PITPNC1: variants seen among roughly 807,000 people sequenced by gnomAD.
PITPNC1 encodes phosphatidylinositol transfer protein cytoplasmic 1.
In PITPNC1, 18 loss-of-function variants were observed where a neutral mutation model predicts 44.7. The ratio of observed to expected loss-of-function variants is 0.40; its 90% CI spans 0.28 to 0.60. PITPNC1 has a LOEUF of 0.60. PITPNC1 is among the 20% of genes least tolerant of loss of function. PITPNC1 has a pLI of 0.39. For synonymous variants in PITPNC1, 141 were observed against 149.6 expected (o/e 0.94, Z 0.42); for missense variants, 290 against 418.4 (o/e 0.69, Z 2.68).
intron 1 of PITPNC1, among the ~76,000 whole-genome samples, chr17:67,381,335 A>T (rs2037955963): frequency 6.6e-6 from 1 of 151,322 alleles, no homozygotes; most frequent in Non-Finnish European, 1.5e-5. Flanking sequence ...TCAAAAAAAA[A>T]AAAAAAAAAA....
At chr17:67,524,583 G>C (rs1309422545) in intron 1 of PITPNC1, 1 of 151,170 alleles carries the variant, frequency 6.6e-6, no homozygotes, top group African/African-American at 2.4e-5. Flanking sequence ...TTTTTTTGTA[G>C]TAAGTCTTCC....
intron 1 of PITPNC1, among the ~76,000 whole-genome samples, chr17:67,423,722 G>A (rs957360050): frequency 6.6e-6 from 1 of 152,128 alleles, no homozygotes; most frequent in Non-Finnish European, 1.5e-5. Context: ...AGGACAAATG[G>A]AAGAAAGTTG....
At chr17:67,509,031 C>T (rs900811861) in intron 1 of PITPNC1, among the ~76,000 whole-genome samples, 17 of 151,002 alleles carry the variant, frequency 1.1e-4, no homozygotes, top group Admixed American at 5.3e-4. Flanking sequence ...GTCAGGAGTT[C>T]GAGACCAGCC....
chr17:67,629,266 G>GTGTGT (rs1555574240), intron 5 of PITPNC1, among the ~76,000 whole-genome samples: 2 of 150,280 alleles, frequency 1.3e-5, no homozygotes, highest in Non-Finnish European at 3.0e-5. Context: ...GTGTGTGTGT[G>GTGTGT]GTTTTTGTTG....
At chr17:67,380,158 T>G (rs1440725339) in intron 1 of PITPNC1, among the ~76,000 whole-genome samples, 1 of 151,016 alleles carries the variant, frequency 6.6e-6, no homozygotes, top group Non-Finnish European at 1.5e-5. Context: ...CACTGCAACC[T>G]CCGCCACCTG....
At chr17:67,622,414 A>G (rs2041844241) in intron 5 of PITPNC1, among the ~76,000 whole-genome samples, 1 of 150,996 alleles carries the variant, frequency 6.6e-6, no homozygotes, top group African/African-American at 2.4e-5. Context: ...ATAGTCATGT[A>G]TATATTTATG....
intron 1 of PITPNC1, among the ~76,000 whole-genome samples, chr17:67,514,478 G>A (rs1020854517): frequency 5.9e-5 from 9 of 151,496 alleles, no homozygotes; most frequent in Non-Finnish European, 7.4e-5. Context: ...TGTTACAGGC[G>A]TGAGCCATCA....
chr17:67,632,116 C>G (rs370306139), intron 5 of PITPNC1, 27 bp from the exon 6 acceptor site: 1 of 1,475,552 alleles, frequency 6.8e-7, no homozygotes, highest in Non-Finnish European at 9.5e-7. Context: ...TATCACTAAC[C>G]TTTGATATGT....
chr17:67,508,393 G>A lies in PITPNC1; in HGVS notation c.49-24409G>A, dbSNP rs759455448. Among the ~76,000 whole-genome samples, 3 of 152,172 alleles carry A rather than the reference G, an allele frequency of 2.0e-5. No homozygotes were observed. The highest frequency in any genetic ancestry group is 4.4e-5 in the Non-Finnish European group (3 of 68,042). ...ATGCCTACTCTTTTACACCATATAG[G>A]GTAACTTCCTGATGTTGCCATGGCA... On this transcript the variant is annotated intron_variant, in intron 1 of 8. Coordinates refer to ENST00000581322, the MANE Select transcript of PITPNC1 (RefSeq NM_012417.4). This position sits in a 1 kb window ranked among gnomAD's most constrained non-coding sequence, Gnocchi z 4.2.
At chr17:67,496,104 A>G (rs1395430358) in intron 1 of PITPNC1, among the ~76,000 whole-genome samples, 7 of 152,184 alleles carry the variant, frequency 4.6e-5, no homozygotes, top group African/African-American at 1.7e-4. Context: ...TGTTGGAATT[A>G]TAGAGAGTGC....
At chr17:67,468,646 G>A (rs1400524000) in intron 1 of PITPNC1, among the ~76,000 whole-genome samples, 3 of 150,690 alleles carry the variant, frequency 2.0e-5, no homozygotes, top group East Asian at 2.0e-4. Context: ...CTCGTGATCC[G>A]CCCACCTCAG....
chr17:67,516,307 G>A (rs2040257540), intron 1 of PITPNC1, among the ~76,000 whole-genome samples: 1 of 152,120 alleles, frequency 6.6e-6, no homozygotes, highest in African/African-American at 2.4e-5. Context: ...CAGCTAGACG[G>A]GCTGGGTTCA....
chr17:67,619,920 C>T (rs1052224114), intron 5 of PITPNC1, among the ~76,000 whole-genome samples: 6 of 152,280 alleles, frequency 3.9e-5, no homozygotes, highest in Admixed American at 1.3e-4. Context: ...ATGAACTCAC[C>T]GTCCTTCCCA....
In PITPNC1 at chr17:67,669,502, T is replaced by C. The variant is rs79804915; in HGVS notation, c.463-6T>C. On this transcript the variant is annotated splice_region_variant and splice_polypyrimidine_tract_variant and intron_variant, in intron 6 of 8. Transcript: ENST00000581322. ...ATATCAATTTCTTTGATTTTTTTTTTTCTAGGATCCTAAGCACTTCAAGTC... is the reference window on the plus strand; with the variant it reads ...ATATCAATTTCTTTGATTTTTTTTTCTCTAGGATCCTAAGCACTTCAAGTC... 1 of 1,561,856 alleles carries C rather than the reference T, an allele frequency of 6.4e-7. No homozygotes were observed. Among genetic ancestry groups the C allele is most frequent in the East Asian group, 2.3e-5 (1 of 44,322 alleles).
chr17:67,508,500 G>A lies in PITPNC1; in HGVS notation c.49-24302G>A, dbSNP rs541865858. 3.2e-4 allele frequency among the ~76,000 whole-genome samples: 49 copies of A among 152,222 alleles called. No homozygotes were observed. The highest frequency in any genetic ancestry group is 1.2e-3 in the African/African-American group (48 of 41,556). On this transcript the variant is annotated intron_variant, in intron 1 of 8. Coordinates refer to ENST00000581322, the MANE Select transcript of PITPNC1 (RefSeq NM_012417.4). The surrounding 1 kb of genome is among the most constrained non-coding windows in gnomAD (Gnocchi z 4.2). Reference sequence around the variant, plus strand: ...CTCCTGTCGCCATCTTGGTTTTGGTGGGTTTTACCTGGGTTCTCTACTGCA... The same window carrying A: ...CTCCTGTCGCCATCTTGGTTTTGGTAGGTTTTACCTGGGTTCTCTACTGCA...
chr17:67,629,531 C>G (rs1224400328), intron 5 of PITPNC1, among the ~76,000 whole-genome samples: 2 of 152,206 alleles, frequency 1.3e-5, no homozygotes, highest in Non-Finnish European at 2.9e-5. Flanking sequence ...CCGACATCAG[C>G]CTCCCGAAGT....
At chr17:67,464,877 C>G (rs1375967207) in intron 1 of PITPNC1, among the ~76,000 whole-genome samples, 1 of 152,050 alleles carries the variant, frequency 6.6e-6, no homozygotes, top group East Asian at 1.9e-4. Context: ...GTAGCTGGGA[C>G]TACAGGCATG....
At chr17:67,534,582 T>C (rs2040503822) in intron 2 of PITPNC1, among the ~76,000 whole-genome samples, 1 of 151,404 alleles carries the variant, frequency 6.6e-6, no homozygotes, top group African/African-American at 2.4e-5. Flanking sequence ...AGGGCTGCAG[T>C]GAGCTGAGAT....
chr17:67,692,649 C>A lies in PITPNC1; in HGVS notation c.760C>A (p.Pro254Thr). ...ATNKKIGIFP[P>T]AISISSIPLL... Reference sequence around the variant, plus strand: ...CAACAAGAAAATCGGCATTTTCCCACCTGCAATTTCTATCTCCAGCATCCC... The same window carrying A: ...CAACAAGAAAATCGGCATTTTCCCAACTGCAATTTCTATCTCCAGCATCCC... Residue 254 changes from proline to threonine, a missense_variant, in exon 9 of 9, where the codon CCT becomes ACT. By Grantham distance (38) the Pro-to-Thr change is conservative. Coordinates refer to ENST00000581322, the MANE Select transcript of PITPNC1 (RefSeq NM_012417.4). The A allele has an allele frequency of 1.2e-6, 2 of 1,613,740 alleles. No homozygotes were observed. The highest frequency in any genetic ancestry group is 1.7e-6 in the Non-Finnish European group (2 of 1,179,680).
Sources: gnomAD v4.1 joint callset for allele counts (sites outside exome capture counted in the v4.1 genomes callset) on GRCh38, gnomAD v4.1.1 for gene constraint, Gnocchi (gnomAD v3.1) non-coding constraint, MANE v1.5 for transcripts, NCBI Gene and HGNC (gene_info 2026-07-23, HGNC 2026-07-21) for gene names.